Variants in PDE10A observed in about 807,000 individuals in gnomAD.
The protein encoded by PDE10A is phosphodiesterase 10A.
PDE10A carries 39 observed loss-of-function variants against 97.7 expected under a neutral mutation model. The ratio of observed to expected loss-of-function variants is 0.40; its 90% CI spans 0.31 to 0.52. The LOEUF (loss-of-function observed/expected upper bound fraction) is 0.52, where lower values mean the gene tolerates loss of function less well. PDE10A is among the 20% of genes least tolerant of loss of function. PDE10A has a pLI of 0.56. For missense variants in PDE10A, 731 were observed against 1,047.8 expected (o/e 0.70, Z 4.17); for synonymous variants, 371 against 376.8 (o/e 0.98, Z 0.18).
chr6:165,675,985 T>C (rs1014481641), intron 1 of PDE10A, among the ~76,000 whole-genome samples: 26 of 152,228 alleles, frequency 1.7e-4, no homozygotes, highest in African/African-American at 6.3e-4. Flanking sequence ...GGAATCACCC[T>C]AAGTGTCCGT....
intron 1 of PDE10A, among the ~76,000 whole-genome samples, chr6:165,884,004 A>G (rs1781562274): frequency 6.6e-6 from 1 of 152,150 alleles, no homozygotes; most frequent in African/African-American, 2.4e-5. Context: ...CACCCAGGGC[A>G]TCTGCGTGCC....
intron 1 of PDE10A, among the ~76,000 whole-genome samples, chr6:165,971,961 G>T (rs546429365): frequency 6.6e-6 from 1 of 152,146 alleles, no homozygotes; most frequent in East Asian, 1.9e-4. Context: ...ACCTGTTAAA[G>T]TATAGAATAA....
At chr6:165,667,923 C>T (rs762244298), upstream of PDE10A, among the ~76,000 whole-genome samples, 2 of 152,018 alleles carry the variant, frequency 1.3e-5, no homozygotes, top group Non-Finnish European at 2.9e-5. Flanking sequence ...AAGATGTTGC[C>T]ATTAAAAAAT....
At chr6:165,387,397 G>A (rs220803) in intron 17 of PDE10A, among the ~76,000 whole-genome samples, 80,594 of 151,942 alleles carry the variant, frequency 0.53, 21,689 homozygotes, top group Middle Eastern at 0.68. Flanking sequence ...AGTTAAATGA[G>A]GAGGCACTAA....
At chr6:165,475,442 G>C (rs890273698) in intron 3 of PDE10A, among the ~76,000 whole-genome samples, 8 of 152,146 alleles carry the variant, frequency 5.3e-5, no homozygotes, top group African/African-American at 1.9e-4. Context: ...GAGAAAAGCT[G>C]AATTAGTGAA....
chr6:165,830,756 C>A (rs1329975584), intron 1 of PDE10A, among the ~76,000 whole-genome samples: 3 of 152,172 alleles, frequency 2.0e-5, no homozygotes, highest in African/African-American at 7.2e-5. Context: ...CAAATAAATG[C>A]AGAGGTAATT....
chr6:165,357,093 T>C (rs1184466377), intron 18 of PDE10A, among the ~76,000 whole-genome samples: 1 of 152,136 alleles, frequency 6.6e-6, no homozygotes, highest in Non-Finnish European at 1.5e-5. Flanking sequence ...CCTTCATAAA[T>C]GGAGGTGTAA....
At chr6:165,878,440 A>C (rs1202966158) in intron 1 of PDE10A, among the ~76,000 whole-genome samples, 1 of 152,214 alleles carries the variant, frequency 6.6e-6, no homozygotes, top group Non-Finnish European at 1.5e-5. Flanking sequence ...TTGAAGCATC[A>C]ATCACTTCCC....
At chr6:165,974,449 G>A (rs1228057699) in intron 1 of PDE10A, among the ~76,000 whole-genome samples, 1 of 152,178 alleles carries the variant, frequency 6.6e-6, no homozygotes, top group Non-Finnish European at 1.5e-5. Context: ...CCCCTTGTGG[G>A]GATGGCCATG....
chr6:165,483,576 A>G (rs1019765742), intron 2 of PDE10A, among the ~76,000 whole-genome samples: 8 of 152,256 alleles, frequency 5.3e-5, no homozygotes, highest in Non-Finnish European at 1.0e-4. Flanking sequence ...CAACAAATTT[A>G]TTAACAGATT....
chr6:165,592,065 G>A (rs1056433969), intron 1 of PDE10A, among the ~76,000 whole-genome samples: 2 of 152,068 alleles, frequency 1.3e-5, no homozygotes, highest in East Asian at 1.9e-4. Context: ...ATACTACAAC[G>A]CTATAGTAAC....
intron 1 of PDE10A, among the ~76,000 whole-genome samples, chr6:165,925,632 T>C (rs1048511817): frequency 1.3e-5 from 2 of 152,242 alleles, no homozygotes; most frequent in African/African-American, 4.8e-5. Flanking sequence ...GACTACATAG[T>C]ATATGATCAT....
At chr6:165,423,806 T>G (rs1331394308) in intron 10 of PDE10A, among the ~76,000 whole-genome samples, 3 of 150,648 alleles carry the variant, frequency 2.0e-5, no homozygotes, top group African/African-American at 7.3e-5. Context: ...GCCGAGATCA[T>G]GCCACTGTAC....
rs140845501 is a variant in PDE10A, at chr6:165,406,228, A to ATATGTGTGTGTG, written c.2076+7272_2076+7273insCACACACACATA. ...TTCAAATTCAAGATGAGGGAAAAGGATGTGTGTGTGTGTGTGTGTGTGTGT... is the reference window on the plus strand; with the variant it reads ...TTCAAATTCAAGATGAGGGAAAAGGATATGTGTGTGTGTGTGTGTGTGTGTGTGTGTGTGTGT... On this transcript the variant is annotated intron_variant, in intron 13 of 21. Transcript: ENST00000539869. Among the ~76,000 whole-genome samples the ATATGTGTGTGTG allele has an allele frequency of 1.3e-3, 182 of 140,504 alleles. 1 individual carries two copies. The highest frequency in any genetic ancestry group is 4.8e-3 in the African/African-American group (180 of 37,182). 92.2% of individuals were successfully genotyped at this position (140,504 alleles called of 152,430 possible).
intron 1 of PDE10A, among the ~76,000 whole-genome samples, chr6:165,772,463 G>A (rs1778039489): frequency 6.6e-6 from 1 of 152,172 alleles, no homozygotes; most frequent in Non-Finnish European, 1.5e-5. Flanking sequence ...TCCATGCGGC[G>A]TCCTAGGGCC....
intron 18 of PDE10A, among the ~76,000 whole-genome samples, chr6:165,365,033 T>C (rs1783679793): frequency 6.6e-6 from 1 of 151,748 alleles, no homozygotes; most frequent in African/African-American, 2.4e-5. Flanking sequence ...TCCAAAAGTA[T>C]AGTGAAAGCA....
chr6:165,525,934 A>G (rs1449893871), intron 2 of PDE10A, among the ~76,000 whole-genome samples: 1 of 152,170 alleles, frequency 6.6e-6, no homozygotes, highest in Non-Finnish European at 1.5e-5. Context: ...GGTCAAATGG[A>G]CAAAAGAGTA....
intron 2 of PDE10A, among the ~76,000 whole-genome samples, chr6:165,494,104 A>C (rs2128289876): frequency 6.6e-6 from 1 of 152,326 alleles, no homozygotes; most frequent in East Asian, 1.9e-4. Context: ...ACTGCAAATC[A>C]AAACCACAAT....
In PDE10A at chr6:165,346,409, G is replaced by A. The variant is rs1006223293; in HGVS notation, c.2784-2907C>T. 7.2e-5 allele frequency among the ~76,000 whole-genome samples: 11 copies of A among 152,038 alleles called. No individual in the cohort carries two copies. The South Asian group carries it at 1.0e-3, about 14-fold the overall frequency. On this transcript the variant is annotated intron_variant, in intron 18 of 21. Coordinates refer to ENST00000539869, the MANE Select transcript of PDE10A (RefSeq NM_001385079.1). The stretch of plus-strand genomic sequence containing the variant: ...CAAGGCATTTCTCTCTCCCGTCTTC[G>A]TTTCCTTTTCCCTCCTTTCTCCCCG...
Sources: allele counts gnomAD v4.1 joint callset (sites outside exome capture counted in the v4.1 genomes callset), GRCh38; gene constraint gnomAD v4.1.1; transcripts MANE v1.5; gene names NCBI Gene and HGNC (gene_info 2026-07-23, HGNC 2026-07-21).